MYO19: variants seen among roughly 807,000 people sequenced by gnomAD.
The protein encoded by MYO19 is myosin XIX.
MYO19 carries 132 observed loss-of-function variants against 129.2 expected under a neutral mutation model. The observed-to-expected ratio is 1.02, with a 90% CI of 0.89 to 1.18. MYO19 has a LOEUF of 1.18. MYO19 is among the 50% of genes most tolerant of loss of function. The pLI is 0.00. For synonymous variants in MYO19, 531 were observed against 477.2 expected, an observed-to-expected ratio of 1.11 and a Z score of -1.47; for missense variants, 1,210 against 1,216.7, an observed-to-expected ratio of 0.99 and a Z score of 0.08.
chr17:36,528,014 C>T, intron 4 of MYO19, 50 bp downstream of exon 4: 1 of 1,588,390 alleles, frequency 6.3e-7, no homozygotes, highest in African/African-American at 1.3e-5. Context: ...ACTCTCATTA[C>T]ACCTCCAACC....
rs1410062694 is a variant in MYO19, at chr17:36,495,682, A to G, written c.*569T>C. 7.9e-7 allele frequency: 1 copy of G among 1,269,710 alleles called. No homozygotes were observed. Among genetic ancestry groups the G allele is most frequent in the South Asian group, 3.4e-5 (1 of 29,420 alleles). 78.7% of individuals were successfully genotyped at this position (1,269,710 alleles called of 1,614,324 possible). On this transcript the variant is annotated 3_prime_UTR_variant, in exon 26 of 26. Coordinates refer to ENST00000614623, the MANE Select transcript of MYO19 (RefSeq NM_001163735.2). ...TTGGTACAGTTGATAGACATCATAA[A>G]CGATATCAAGCTTACACTTCATATG...
intron 1 of MYO19, among the ~76,000 whole-genome samples, chr17:36,542,463 G>A (rs1176851555): frequency 6.6e-6 from 1 of 152,098 alleles, no homozygotes; most frequent in Non-Finnish European, 1.5e-5. Flanking sequence ...ACTTTGGGAG[G>A]CCGAGGCGGG....
At chr17:36,503,816 G>A in intron 20 of MYO19, 134 bp downstream of exon 20, 1 of 656,210 alleles carries the variant, frequency 1.5e-6, no homozygotes, top group Non-Finnish European at 2.4e-6. Flanking sequence ...CTAGTTCCCA[G>A]CTGACTTCTA....
chr17:36,498,620 G>C, intron 24 of MYO19, 61 bp from the exon 25 acceptor site: 1 of 1,487,178 alleles, frequency 6.7e-7, no homozygotes, highest in African/African-American at 1.4e-5. Context: ...GCAGAAAATG[G>C]AAATCAAAAC....
At chr17:36,531,278 C>T (rs889036010) in intron 3 of MYO19, among the ~76,000 whole-genome samples, 1 of 150,798 alleles carries the variant, frequency 6.6e-6, no homozygotes, top group Non-Finnish European at 1.5e-5. Context: ...ACCAGTAGTC[C>T]CAACTACTCG....
intron 6 of MYO19, among the ~76,000 whole-genome samples, chr17:36,523,182 C>CA (rs34403651): frequency 6.7e-4 from 69 of 103,378 alleles, no homozygotes; most frequent in East Asian, 5.1e-3. Context: ...AACCCTGTCT[C>CA]AAAAAAAAAA....
At chr17:36,524,652 C>A (rs145887373) in intron 6 of MYO19, among the ~76,000 whole-genome samples, 5 of 152,216 alleles carry the variant, frequency 3.3e-5, no homozygotes, top group African/African-American at 9.7e-5. Flanking sequence ...TGCCACCATG[C>A]GCAACCCAGA....
chr17:36,524,586 C>T (rs1003094117), intron 6 of MYO19, among the ~76,000 whole-genome samples: 1 of 152,188 alleles, frequency 6.6e-6, no homozygotes. Flanking sequence ...CAGAAGGCCA[C>T]GTGGCCATAC....
At chr17:36,498,647 T>G (rs2071223160) in intron 24 of MYO19, 88 bp from the exon 25 acceptor site, 1 of 1,407,222 alleles carries the variant, frequency 7.1e-7, no homozygotes, top group Admixed American at 2.5e-5. Context: ...TAACAAATCA[T>G]CTTAACAAGG....
chr17:36,514,266 G>A (rs1221907572), intron 9 of MYO19, among the ~76,000 whole-genome samples, 180 bp downstream of exon 9: 1 of 152,210 alleles, frequency 6.6e-6, no homozygotes, highest in Non-Finnish European at 1.5e-5. Flanking sequence ...ACTGTGCTGG[G>A]AGCCAAGGCG....
At chr17:36,498,969 C>A in intron 24 of MYO19, 106 bp downstream of exon 24, 1 of 904,980 alleles carries the variant, frequency 1.1e-6, no homozygotes. Flanking sequence ...AAACAACCTG[C>A]CCAAGGCCAC....
At chr17:36,519,802 A>C (rs1446933591) in intron 6 of MYO19, among the ~76,000 whole-genome samples, 1 of 152,040 alleles carries the variant, frequency 6.6e-6, no homozygotes, top group Non-Finnish European at 1.5e-5. Flanking sequence ...TTTGTCTTAA[A>C]GTCTTTATTT....
chr17:36,506,227 T>C (rs549589604), intron 18 of MYO19, among the ~76,000 whole-genome samples: 6 of 152,230 alleles, frequency 3.9e-5, no homozygotes, highest in Admixed American at 6.5e-5. Flanking sequence ...AGAGGCTGCA[T>C]AGTGCCCCCA....
intron 19 of MYO19, chr17:36,504,985 T>C (rs1464563474): frequency 7.6e-6 from 4 of 526,800 alleles, no homozygotes; most frequent in Non-Finnish European, 1.4e-5. Context: ...GACTGTGTGG[T>C]GATGTAGACT....
At chr17:36,503,528 G>T (rs953917033) in intron 20 of MYO19, among the ~76,000 whole-genome samples, 6 of 152,226 alleles carry the variant, frequency 3.9e-5, no homozygotes, top group African/African-American at 1.4e-4. Context: ...AATTGGACCA[G>T]TCCTATGACG....
chr17:36,508,791 C>G, intron 14 of MYO19: 1 of 478,864 alleles, frequency 2.1e-6, no homozygotes, highest in Admixed American at 3.5e-5. Context: ...ACAATTAGAG[C>G]TGGGTCTCTG....
At chr17:36,501,355 T>A in intron 21 of MYO19, 120 bp from the exon 22 acceptor site, 1 of 1,072,310 alleles carries the variant, frequency 9.3e-7, no homozygotes, top group Non-Finnish European at 1.3e-6. Context: ...TTCTTGGCTC[T>A]AGCCATTTTC....
chr17:36,502,813 A>C (rs2071623233), intron 21 of MYO19: 1 of 490,888 alleles, frequency 2.0e-6, no homozygotes, highest in African/African-American at 1.9e-5. Context: ...CATGTGGACC[A>C]CCCATCACCT....
At position 36,527,590 on chromosome 17, in the gene MYO19, G is replaced by A. The variant is rs748936081; in HGVS notation, c.261C>T (p.Pro87=). 4.1e-5 allele frequency: 66 copies of A among 1,613,836 alleles called. No individual in the cohort carries two copies. The highest frequency in any genetic ancestry group is 2.7e-5 in the African/African-American group (2 of 74,926). The part of the protein sequence containing the change: ...PFKPVPQLYS[P]ELMREYHAAP... ...CAGCATGGTACTCTCTCATTAGCTC[G>A]GGCGAGTAGAGCTGAGGAACAGGCT... The change falls in exon 5 of 26, where the codon CCC becomes CCT. Residue 87 remains proline, a synonymous_variant. Transcript: ENST00000614623.
Sources: gnomAD v4.1 joint callset for allele counts (sites outside exome capture counted in the v4.1 genomes callset) on GRCh38, gnomAD v4.1.1 for gene constraint, MANE v1.5 for transcripts, NCBI Gene and HGNC (gene_info 2026-07-23, HGNC 2026-07-21) for gene names.